The following FBRSL1 variants were observed in gnomAD, a reference collection of about 807,000 sequenced individuals.
FBRSL1 encodes the protein fibrosin like 1.
In FBRSL1, 51 loss-of-function variants were observed where a neutral mutation model predicts 89.6. The observed-to-expected ratio is 0.57, with a 90% CI of 0.45 to 0.72. The LOEUF (loss-of-function observed/expected upper bound fraction) is 0.72. FBRSL1 is among the 30% of genes least tolerant of loss of function. The pLI is 0.00. For missense variants in FBRSL1, 1,618 were observed against 1,451.8 expected, an observed-to-expected ratio of 1.11 and a Z score of -1.86; for synonymous variants, 779 against 681.1, an observed-to-expected ratio of 1.14 and a Z score of -2.24.
chr12:132,567,927 C>T (rs1012225000), intron 6 of FBRSL1, among the ~76,000 whole-genome samples: 9 of 152,184 alleles, frequency 5.9e-5, no homozygotes, highest in Non-Finnish European at 1.0e-4. Flanking sequence ...GCTGCCTGCG[C>T]GCCTCTGTGG....
chr12:132,503,974 C>T (rs549805521), intron 1 of FBRSL1, among the ~76,000 whole-genome samples: 12 of 152,132 alleles, frequency 7.9e-5, no homozygotes, highest in Admixed American at 2.0e-4. Context: ...AGCCCCCTGC[C>T]CCCATGGAGA....
intron 4 of FBRSL1, among the ~76,000 whole-genome samples, chr12:132,533,118 GC>G: frequency 6.6e-6 from 1 of 151,490 alleles, no homozygotes; most frequent in African/African-American, 2.4e-5. Flanking sequence ...GAGTCAGAGA[GC>G]TGCAGTCTCC....
chr12:132,539,291 C>T (rs117908583), intron 4 of FBRSL1, among the ~76,000 whole-genome samples: 1,764 of 152,084 alleles, frequency 0.012, 45 homozygotes, highest in East Asian at 0.12. Context: ...CAGGAAGCCT[C>T]AGTCCCATGC....
chr12:132,535,773 G>A (rs1023370057), intron 4 of FBRSL1, among the ~76,000 whole-genome samples: 1 of 152,056 alleles, frequency 6.6e-6, no homozygotes, highest in Non-Finnish European at 1.5e-5. Context: ...GACAGTGTGA[G>A]TGCACGTGTG....
At chr12:132,543,348 C>T (rs982548962) in intron 4 of FBRSL1, among the ~76,000 whole-genome samples, 3 of 152,140 alleles carry the variant, frequency 2.0e-5, no homozygotes, top group Non-Finnish European at 4.4e-5. Context: ...GACCTGCCCA[C>T]GCCGGGCTCC....
At position 132,572,351 on chromosome 12, in the gene FBRSL1, G is replaced by A; in HGVS notation, c.1434+7G>A. ...CCGACATTCCAGCGTGAGTGTGAGT[G>A]TCCCCGAGGGGCCCGGCGCGTGTCG... On this transcript the variant is annotated splice_region_variant and intron_variant, in intron 10 of 18. Coordinates refer to ENST00000680143, the MANE Select transcript of FBRSL1 (RefSeq NM_001367871.1). 2 of 1,550,962 alleles carry A rather than the reference G, an allele frequency of 1.3e-6. No homozygotes were observed. Among genetic ancestry groups the A allele is most frequent in the South Asian group, 1.2e-5 (1 of 84,026 alleles).
At chr12:132,564,851 G>C (rs915342977) in intron 5 of FBRSL1, among the ~76,000 whole-genome samples, 1 of 151,490 alleles carries the variant, frequency 6.6e-6, no homozygotes, top group South Asian at 2.1e-4. Context: ...GGATGGTCTC[G>C]ATCTGCTGAC....
chr12:132,523,971 AAGG>A (rs2035578269), intron 2 of FBRSL1, among the ~76,000 whole-genome samples: 1 of 152,152 alleles, frequency 6.6e-6, no homozygotes, highest in African/African-American at 2.4e-5. Flanking sequence ...GGGGGTGAGA[AAGG>A]AGAGGTTGTG....
intron 1 of FBRSL1, among the ~76,000 whole-genome samples, chr12:132,506,734 G>A (rs1165160234): frequency 6.6e-6 from 1 of 152,280 alleles, no homozygotes; most frequent in African/African-American, 2.4e-5. Flanking sequence ...GATCCTGGGT[G>A]GGCGAGCAGG....
At chr12:132,564,685 C>CG (rs1393884323) in intron 5 of FBRSL1, among the ~76,000 whole-genome samples, 3 of 94,736 alleles carry the variant, frequency 3.2e-5, no homozygotes, top group Non-Finnish European at 5.7e-5. Flanking sequence ...TTAGTAGAGA[C>CG]GGGGTTTCAC....
At chr12:132,526,870 G>T (rs998646947) in intron 3 of FBRSL1, among the ~76,000 whole-genome samples, 1 of 152,104 alleles carries the variant, frequency 6.6e-6, no homozygotes, top group Non-Finnish European at 1.5e-5. Context: ...CCCTCCTGCT[G>T]GGGGAGGCCC....
At chr12:132,581,887 C>T in intron 17 of FBRSL1, 63 bp downstream of exon 17, 6 of 1,441,354 alleles carry the variant, frequency 4.2e-6, no homozygotes, top group Non-Finnish European at 5.6e-6. Flanking sequence ...TGCCTGTGTC[C>T]TCTGCAGGAA....
In FBRSL1 at chr12:132,508,299, C is replaced by G; in HGVS notation, c.438C>G (p.Leu146=). 3 of 1,549,090 alleles carry G rather than the reference C, an allele frequency of 1.9e-6. No homozygotes were observed. Among genetic ancestry groups the G allele is most frequent in the Non-Finnish European group, 2.6e-6 (3 of 1,146,392 alleles). The part of the protein sequence containing the change: ...PLEAGSPGQD[L]EPACDGARKV... The stretch of plus-strand genomic sequence containing the variant: ...AGGCAGGCAGCCCCGGGCAGGACCT[C>G]GAACCCGCCTGCGATGGGGCGAGAA... Residue 146 remains leucine, a synonymous_variant, in exon 2 of 19, where the codon CTC becomes CTG. Coordinates refer to ENST00000680143, the MANE Select transcript of FBRSL1 (RefSeq NM_001367871.1).
At chr12:132,519,992 G>A (rs114678913) in intron 2 of FBRSL1, among the ~76,000 whole-genome samples, 3,766 of 151,738 alleles carry the variant, frequency 0.025, 151 homozygotes, top group African/African-American at 0.086. Flanking sequence ...TGCAGGCAGC[G>A]TGTATGGGTG....
intron 3 of FBRSL1, among the ~76,000 whole-genome samples, chr12:132,526,836 G>A (rs941407044): frequency 1.3e-5 from 2 of 152,094 alleles, no homozygotes; most frequent in African/African-American, 4.8e-5. Flanking sequence ...ATCCACTACA[G>A]CAGCCCTGAG....
At chr12:132,540,071 A>G (rs1483545044) in intron 4 of FBRSL1, among the ~76,000 whole-genome samples, 3 of 4,540 alleles carry the variant, frequency 6.6e-4, no homozygotes, top group Non-Finnish European at 1.1e-3. Flanking sequence ...CCCCGTGCCC[A>G]CCCAGTCCTG....
chr12:132,578,263 TGAGCCCAG>T (rs1285407023), intron 15 of FBRSL1, among the ~76,000 whole-genome samples: 1 of 151,798 alleles, frequency 6.6e-6, no homozygotes, highest in Non-Finnish European at 1.5e-5. Context: ...GAGGGTCGCT[TGAGCCCAG>T]GAGGTCAAGG....
At chr12:132,566,852 G>A (rs373420469) in intron 5 of FBRSL1, among the ~76,000 whole-genome samples, 2 of 151,952 alleles carry the variant, frequency 1.3e-5, no homozygotes, top group Non-Finnish European at 2.9e-5. Context: ...GTGTCCTGTG[G>A]GTGCTGGGAG....
intron 2 of FBRSL1, among the ~76,000 whole-genome samples, chr12:132,517,444 C>T (rs1359474968): frequency 6.6e-6 from 1 of 152,180 alleles, no homozygotes; most frequent in African/African-American, 2.4e-5. Context: ...GACTGGCATC[C>T]ATTTTGTACT....
Sources: allele counts gnomAD v4.1 joint callset (sites outside exome capture counted in the v4.1 genomes callset), GRCh38; gene constraint gnomAD v4.1.1; transcripts MANE v1.5; gene names NCBI Gene and HGNC (gene_info 2026-07-23, HGNC 2026-07-21).